Variants in SLC35F1 observed in about 807,000 individuals in gnomAD.
The protein encoded by SLC35F1 is solute carrier family 35 member F1, also known as chromosome 6 open reading frame 169.
In SLC35F1, 14 loss-of-function variants were observed where a neutral mutation model predicts 48.7. The observed-to-expected ratio is 0.29, with a 90% confidence interval of 0.19 to 0.45. SLC35F1 has a LOEUF of 0.45. Among genes scored for constraint, SLC35F1 ranks in the 20% least tolerant of loss-of-function variants. SLC35F1 has a pLI of 1.00. For missense variants in SLC35F1, 404 were observed against 500.0 expected, an observed-to-expected ratio of 0.81 and a Z score of 1.83; for synonymous variants, 190 against 202.2, an observed-to-expected ratio of 0.94 and a Z score of 0.51.
At chr6:118,190,951 C>G (rs1562320310) in intron 2 of SLC35F1, among the ~76,000 whole-genome samples, 1 of 152,188 alleles carries the variant, frequency 6.6e-6, no homozygotes, top group African/African-American at 2.4e-5. Flanking sequence ...TTTAGCATAA[C>G]TTTCACAAGA....
chr6:118,221,253 A>C (rs1036592961), intron 2 of SLC35F1, among the ~76,000 whole-genome samples: 1 of 152,182 alleles, frequency 6.6e-6, no homozygotes, highest in Non-Finnish European at 1.5e-5. Context: ...TGGTCCAAGC[A>C]TAGATCGCTT....
At chr6:118,248,107 G>A (rs1400210461) in intron 3 of SLC35F1, among the ~76,000 whole-genome samples, 1 of 152,190 alleles carries the variant, frequency 6.6e-6, no homozygotes, top group Non-Finnish European at 1.5e-5. Flanking sequence ...ACCTTCCAGA[G>A]TGACTATCTT....
intron 1 of SLC35F1, among the ~76,000 whole-genome samples, chr6:118,097,363 C>G (rs892497774): frequency 6.6e-6 from 1 of 152,180 alleles, no homozygotes; most frequent in Non-Finnish European, 1.5e-5. Context: ...GAAGGGGGCT[C>G]CAGGCAGGAG....
At chr6:117,928,415 G>A (rs916788421) in intron 1 of SLC35F1, among the ~76,000 whole-genome samples, 12 of 152,054 alleles carry the variant, frequency 7.9e-5, no homozygotes, top group African/African-American at 2.9e-4. Flanking sequence ...TTAGGGAAGG[G>A]CCAATTAGTT....
At chr6:118,241,401 A>C (rs1210556882) in intron 3 of SLC35F1, among the ~76,000 whole-genome samples, 2 of 152,202 alleles carry the variant, frequency 1.3e-5, no homozygotes, top group Non-Finnish European at 2.9e-5. Flanking sequence ...GCTTGAGAGG[A>C]AAATGTATAT....
intron 1 of SLC35F1, among the ~76,000 whole-genome samples, chr6:118,018,896 C>A (rs893585136): frequency 6.6e-6 from 1 of 152,270 alleles, no homozygotes; most frequent in African/African-American, 2.4e-5. Flanking sequence ...CTCCAATACA[C>A]GTGCCATGAC....
intron 1 of SLC35F1, among the ~76,000 whole-genome samples, chr6:117,988,242 G>A (rs979965780): frequency 6.6e-6 from 1 of 152,156 alleles, no homozygotes; most frequent in African/African-American, 2.4e-5. Context: ...AATTTCTTGT[G>A]TTTGAATCAC....
chr6:118,197,157 A>G (rs1267205739), intron 2 of SLC35F1, among the ~76,000 whole-genome samples: 1 of 152,176 alleles, frequency 6.6e-6, no homozygotes, highest in Non-Finnish European at 1.5e-5. Flanking sequence ...AGTGTATCTT[A>G]GTTATTTTGC....
intron 1 of SLC35F1, among the ~76,000 whole-genome samples, chr6:118,113,013 C>T (rs925136215): frequency 6.6e-6 from 1 of 151,972 alleles, no homozygotes; most frequent in African/African-American, 2.4e-5. Flanking sequence ...TAAAGGGATG[C>T]CGTAGAATGT....
chr6:118,168,427 A>G (rs1774350901), intron 2 of SLC35F1, among the ~76,000 whole-genome samples: 1 of 152,194 alleles, frequency 6.6e-6, no homozygotes, highest in South Asian at 2.1e-4. Flanking sequence ...TAAATTAGGC[A>G]CAGTAACAAA....
chr6:118,080,399 T>C (rs184061097), intron 1 of SLC35F1, among the ~76,000 whole-genome samples: 1 of 152,332 alleles, frequency 6.6e-6, no homozygotes, highest in Admixed American at 6.5e-5. Flanking sequence ...TTCAGTGTCC[T>C]TCTATTAGTA....
intron 1 of SLC35F1, among the ~76,000 whole-genome samples, chr6:118,110,464 G>A (rs1255894630): frequency 1.3e-5 from 2 of 152,130 alleles, no homozygotes; most frequent in East Asian, 1.9e-4. Context: ...GGGACAGAGG[G>A]CACTATTTGG....
At chr6:118,173,352 G>GA (rs1273290040) in intron 2 of SLC35F1, among the ~76,000 whole-genome samples, 2 of 128,956 alleles carry the variant, frequency 1.6e-5, no homozygotes, top group South Asian at 2.3e-4. Context: ...AACAGATTAC[G>GA]AAAAAAAAGA....
intron 1 of SLC35F1, among the ~76,000 whole-genome samples, chr6:118,080,743 A>G (rs1202477868): frequency 5.9e-5 from 9 of 152,292 alleles, no homozygotes; most frequent in South Asian, 2.1e-4. Context: ...TTGGACTCCT[A>G]GTGGCTACAG....
At chr6:118,208,051 G>GC (rs1001059492) in intron 2 of SLC35F1, among the ~76,000 whole-genome samples, 6 of 152,024 alleles carry the variant, frequency 3.9e-5, no homozygotes, top group African/African-American at 1.4e-4. Context: ...GGGAAAGAGA[G>GC]CCCCCCTCCT....
At chr6:118,231,063 G>T (rs1775287588) in intron 2 of SLC35F1, among the ~76,000 whole-genome samples, 1 of 152,120 alleles carries the variant, frequency 6.6e-6, no homozygotes, top group African/African-American at 2.4e-5. Flanking sequence ...ATGAAATCTG[G>T]CAGGGACAGA....
intron 1 of SLC35F1, among the ~76,000 whole-genome samples, chr6:118,078,013 T>G (rs1472907329): frequency 6.6e-6 from 1 of 152,218 alleles, no homozygotes; most frequent in African/African-American, 2.4e-5. Flanking sequence ...AGAAGGCAAG[T>G]GTCACTCTTT....
At chr6:118,148,448 T>C in intron 1 of SLC35F1, among the ~76,000 whole-genome samples, 1 of 152,204 alleles carries the variant, frequency 6.6e-6, no homozygotes, top group African/African-American at 2.4e-5. Context: ...TTCTAAAGTC[T>C]GTTTCTTTAA....
At chr6:118,227,121 A>G (rs1000623869) in intron 2 of SLC35F1, among the ~76,000 whole-genome samples, 2 of 152,214 alleles carry the variant, frequency 1.3e-5, no homozygotes, top group Admixed American at 6.5e-5. Context: ...TGTGGCTGCC[A>G]TCATGCTCAA....
Sources: gnomAD v4.1 joint callset for allele counts (sites outside exome capture counted in the v4.1 genomes callset) on GRCh38, gnomAD v4.1.1 for gene constraint, MANE v1.5 for transcripts, NCBI Gene and HGNC (gene_info 2026-07-23, HGNC 2026-07-21) for gene names.